The following EPB41L1 variants were observed in gnomAD, a reference collection of about 807,000 sequenced individuals.
The protein encoded by EPB41L1 is erythrocyte membrane protein band 4.1 like 1, also known as band 4.1-like protein 1.
A neutral mutation model predicts 97.8 loss-of-function variants in EPB41L1; 29 were observed. The observed-to-expected ratio is 0.30, with a 90% CI of 0.22 to 0.40. The LOEUF is 0.40. Ranked by LOEUF, EPB41L1 falls within the 10% of genes least tolerant of loss-of-function variation. The pLI, the probability that EPB41L1 is intolerant of heterozygous loss-of-function variation, is 1.00. For synonymous variants in EPB41L1, 383 were observed against 459.2 expected (o/e 0.83, Z 2.12); for missense variants, 812 against 1,162.3 (o/e 0.70, Z 4.38).
chr20:36,187,310 C>T (rs1222706550), intron 7 of EPB41L1, among the ~76,000 whole-genome samples: 1 of 152,226 alleles, frequency 6.6e-6, no homozygotes, highest in Non-Finnish European at 1.5e-5. Flanking sequence ...AATTTAGGAG[C>T]CCCTGGGTGA....
At chr20:36,112,375 T>A (rs1459024810) in intron 1 of EPB41L1, 2 of 152,290 alleles carry the variant, frequency 1.3e-5, no homozygotes, top group Non-Finnish European at 2.9e-5. Flanking sequence ...CAGCACATGC[T>A]GGGCTCATGA....
Position 36,207,129 on chromosome 20 carries a change from G to C in EPB41L1, c.1669-2359G>C. On this transcript the variant is annotated intron_variant, in intron 14 of 21. Coordinates refer to ENST00000338074, the MANE Select transcript of EPB41L1 (RefSeq NM_012156.2). This position sits in a 1 kb window ranked among gnomAD's most constrained non-coding sequence, Gnocchi z 4.9. Reference sequence around the variant, plus strand: ...ATTCTGAGGACCTGGCAGCTCTGGAGGAAGCTTCTCCAAGCCCAACCTCCC... The same window carrying C: ...ATTCTGAGGACCTGGCAGCTCTGGACGAAGCTTCTCCAAGCCCAACCTCCC... The C allele has an allele frequency of 7.8e-6, 10 of 1,289,502 alleles. No homozygotes were observed. The highest frequency in any genetic ancestry group is 1.0e-5 in the Non-Finnish European group (10 of 988,600). 79.9% of individuals were successfully genotyped at this position (1,289,502 alleles called of 1,614,324 possible).
rs2063181987 is a variant in EPB41L1 at position 36,212,364 on chromosome 20, G to A, written c.2172G>A (p.Met724Ile). 1 of 1,614,124 alleles carries A rather than the reference G, an allele frequency of 6.2e-7. No individual in the cohort carries two copies. ...EAVLQTRVSA[M>I]DNTQQVDGSA... Reference sequence around the variant, plus strand: ...TACTGCAGACCAGAGTCTCCGCTATGGATAACACCCAGGTAACTTGTGCCT... The same window carrying A: ...TACTGCAGACCAGAGTCTCCGCTATAGATAACACCCAGGTAACTTGTGCCT... The change falls in exon 16 of 22, where the codon ATG becomes ATA. Residue 724 changes from methionine to isoleucine, a missense_variant. By Grantham distance (10) the Met-to-Ile change is conservative. Coordinates refer to ENST00000338074, the MANE Select transcript of EPB41L1 (RefSeq NM_012156.2). The surrounding 1 kb of genome is among the most constrained non-coding windows in gnomAD (Gnocchi z 4.8).
chr20:36,116,906 A>G (rs1341511630), intron 2 of EPB41L1, among the ~76,000 whole-genome samples: 3 of 152,218 alleles, frequency 2.0e-5, no homozygotes, highest in African/African-American at 7.2e-5. Flanking sequence ...TTCAAAGGAT[A>G]GAAGAATAGC....
intron 9 of EPB41L1, among the ~76,000 whole-genome samples, chr20:36,189,549 C>T (rs985671272): frequency 6.6e-6 from 1 of 152,214 alleles, no homozygotes. Flanking sequence ...GTATCTCCCC[C>T]TCTCGCTTCT....
At chr20:36,167,366 A>G (rs2060782643) in intron 1 of EPB41L1, among the ~76,000 whole-genome samples, 1 of 152,132 alleles carries the variant, frequency 6.6e-6, no homozygotes, top group African/African-American at 2.4e-5. Context: ...TGTAGCTTTG[A>G]TAAAGAGTTT....
chr20:36,140,964 G>A (rs2059615154), intron 2 of EPB41L1, among the ~76,000 whole-genome samples: 1 of 152,254 alleles, frequency 6.6e-6, no homozygotes, highest in Admixed American at 6.5e-5. Flanking sequence ...AAAGCTGGGA[G>A]GGAATGATGG....
Position 36,185,102 on chromosome 20 carries a change from C to G in EPB41L1, c.567-15C>G, listed in dbSNP as rs745942930. 2.5e-6 allele frequency: 4 copies of G among 1,611,692 alleles called. No individual in the cohort carries two copies. The African/African-American group carries it at 5.3e-5, about 22-fold the overall frequency. On this transcript the variant is annotated splice_polypyrimidine_tract_variant and intron_variant, in intron 6 of 21. Coordinates refer to ENST00000338074, the MANE Select transcript of EPB41L1 (RefSeq NM_012156.2). ...GTAGGGCCCTGTGCCCATGCTGGCT[C>G]TCCCCTATCTCCAGATACTACCTGT...
intron 2 of EPB41L1, among the ~76,000 whole-genome samples, chr20:36,133,053 A>G (rs1448335616): frequency 1.3e-5 from 2 of 152,252 alleles, no homozygotes; most frequent in Non-Finnish European, 2.9e-5. Flanking sequence ...ATAATTACAC[A>G]AGTGACTAAT....
intron 2 of EPB41L1, among the ~76,000 whole-genome samples, chr20:36,141,197 T>C (rs2059624958): frequency 6.6e-6 from 1 of 152,212 alleles, no homozygotes; most frequent in African/African-American, 2.4e-5. Context: ...CTCTATGACC[T>C]TTGGCAAGTG....
chr20:36,196,903 T>C (rs532578898), intron 13 of EPB41L1, among the ~76,000 whole-genome samples: 36 of 152,336 alleles, frequency 2.4e-4, no homozygotes, highest in African/African-American at 8.2e-4. Flanking sequence ...CCTAAGGAGA[T>C]GACTCTGTCA....
intron 1 of EPB41L1, among the ~76,000 whole-genome samples, chr20:36,099,952 G>A (rs766177938): frequency 2.6e-5 from 4 of 152,174 alleles, no homozygotes; most frequent in Non-Finnish European, 5.9e-5. Context: ...AGGGGTCCCT[G>A]GGCTCTGAGT....
chr20:36,112,294 C>G (rs1210332701), intron 1 of EPB41L1: 2 of 152,238 alleles, frequency 1.3e-5, no homozygotes, highest in African/African-American at 4.8e-5. Flanking sequence ...TGTCACAAGG[C>G]CTTTTTGTTT....
intron 9 of EPB41L1, 130 bp downstream of exon 9, chr20:36,188,629 CACACACACACACAG>C (rs1342890931): frequency 1.7e-4 from 116 of 669,068 alleles, no homozygotes; most frequent in African/African-American, 1.4e-3. Context: ...CACACACACA[CACACACACACACAG>C]AGAGAGAGAG....
rs983227198 is a variant in EPB41L1, at chr20:36,212,038, C to CA, written c.2080-233dup. ...ATATAGCCACCATGAGGGTGTGTGG[C>CA]ACAGGGGCGCAGGGCAGGCCTGCCT... On this transcript the variant is annotated intron_variant, in intron 15 of 21. Coordinates refer to ENST00000338074, the MANE Select transcript of EPB41L1 (RefSeq NM_012156.2). The surrounding 1 kb of genome is among the most constrained non-coding windows in gnomAD (Gnocchi z 4.8). Among the ~76,000 whole-genome samples, 14 of 152,284 alleles carry CA rather than the reference C, an allele frequency of 9.2e-5. No individual in the cohort carries two copies. The highest frequency in any genetic ancestry group is 3.4e-4 in the African/African-American group (14 of 41,560).
chr20:36,169,585 C>G (rs1433957471), intron 1 of EPB41L1, among the ~76,000 whole-genome samples: 1 of 152,214 alleles, frequency 6.6e-6, no homozygotes, highest in Non-Finnish European at 1.5e-5. Flanking sequence ...TTACAGGCTT[C>G]TCACTCTGAA....
chr20:36,150,332 A>G (rs1231843458), upstream of EPB41L1: 1 of 152,142 alleles, frequency 6.6e-6, no homozygotes. Flanking sequence ...CGGCCTCCCA[A>G]AGTGCTGGGA....
intron 1 of EPB41L1, chr20:36,155,803 C>G (rs1467310907): frequency 2.7e-6 from 1 of 375,406 alleles, no homozygotes; most frequent in Non-Finnish European, 5.4e-6. Flanking sequence ...CTTCTGGATC[C>G]GCATAGCACC....
At chr20:36,201,685 T>C (rs1358622379) in intron 14 of EPB41L1, among the ~76,000 whole-genome samples, 1 of 152,220 alleles carries the variant, frequency 6.6e-6, no homozygotes, top group East Asian at 1.9e-4. Context: ...ATTGCTTCTA[T>C]GCCCAGGGCG....
Sources: allele counts gnomAD v4.1 joint callset (sites outside exome capture counted in the v4.1 genomes callset), GRCh38; gene constraint gnomAD v4.1.1; non-coding constraint Gnocchi (gnomAD v3.1); transcripts MANE v1.5; gene names NCBI Gene and HGNC (gene_info 2026-07-23, HGNC 2026-07-21).